The following MYCT1 variants were observed in gnomAD, a reference collection of about 807,000 sequenced individuals.
MYCT1 encodes the protein MYC target 1.
In MYCT1, 12 loss-of-function variants were observed where a neutral mutation model predicts 15.0. The observed-to-expected ratio is 0.80, with a 90% confidence interval of 0.51 to 1.29. The LOEUF (loss-of-function observed/expected upper bound fraction) is 1.29, where lower values mean the gene tolerates loss of function less well. Among genes scored for constraint, MYCT1 ranks in the 50% most tolerant of loss-of-function variants. MYCT1 has a pLI of 0.00. For missense variants in MYCT1, 287 were observed against 279.1 expected (o/e 1.03, Z -0.20); for synonymous variants, 104 against 102.7 (o/e 1.01, Z -0.07).
intron 1 of MYCT1, among the ~76,000 whole-genome samples, chr6:152,715,552 C>T (rs951754526): frequency 9.0e-6 from 1 of 110,864 alleles, no homozygotes; most frequent in Non-Finnish European, 1.9e-5. Flanking sequence ...AATGGTTATG[C>T]GTCTCATTCA....
downstream of MYCT1, chr6:152,724,609 G>T (rs1336962356): frequency 1.3e-5 from 2 of 152,090 alleles, no homozygotes; most frequent in African/African-American, 4.8e-5. Context: ...TGCCAACACT[G>T]TTCTAAAAAG....
At chr6:152,736,468 A>G in the MYCT1 span, among the ~76,000 whole-genome samples, 3 of 152,136 alleles carry the variant, frequency 2.0e-5, no homozygotes, top group African/African-American at 7.2e-5. Flanking sequence ...GGACTATTAG[A>G]GTATCTGGAG....
rs774567490 is a variant in MYCT1, at chr6:152,722,194, C to T, written c.649C>T (p.Leu217Phe). The T allele has an allele frequency of 9.9e-6, 16 of 1,614,036 alleles. No individual in the cohort carries two copies. Among genetic ancestry groups the T allele is most frequent in the Non-Finnish European group, 1.3e-5 (15 of 1,180,030 alleles). The change falls in exon 2 of 2, where the codon CTT becomes TTT. Residue 217 changes from leucine to phenylalanine, a missense_variant. Coordinates refer to ENST00000367245, the MANE Select transcript of MYCT1 (RefSeq NM_025107.3). ...GTCCAGTAACAGTCTTCGAGTGGGC[C>T]TTTCAACACCGCCCCCACCTGCCTA... ...YWSSNSLRVG[L>F]STPPPPAYES...
At chr6:152,736,779 G>C in the MYCT1 span, among the ~76,000 whole-genome samples, 1 of 152,028 alleles carries the variant, frequency 6.6e-6, no homozygotes, top group Non-Finnish European at 1.5e-5. Flanking sequence ...AAAAATTTCT[G>C]TATGACACAT....
chr6:152,737,106 A>AC, the MYCT1 span, among the ~76,000 whole-genome samples: 7,839 of 152,178 alleles, frequency 0.052, 274 homozygotes, highest in Non-Finnish European at 0.083. Context: ...TGAATAAGAC[A>AC]CTCATAGACT....
the MYCT1 span, among the ~76,000 whole-genome samples, chr6:152,732,545 T>A: frequency 0.016 from 2,379 of 152,274 alleles, 32 homozygotes; most frequent in Non-Finnish European, 0.024. Context: ...TATGTAAAAA[T>A]ATTTACATGG....
chr6:152,741,448 G>A, the MYCT1 span, among the ~76,000 whole-genome samples: 13 of 152,116 alleles, frequency 8.5e-5, no homozygotes, highest in South Asian at 6.2e-4. Flanking sequence ...TCTTATCAGC[G>A]CTCATTTGGG....
At chr6:152,731,806 G>A in the MYCT1 span, among the ~76,000 whole-genome samples, 11 of 149,624 alleles carry the variant, frequency 7.4e-5, 1 homozygote, top group East Asian at 5.9e-4. Context: ...GGAGTGCAGT[G>A]GCGCGATATC....
intron 1 of MYCT1, chr6:152,706,105 G>A (rs1181356646): frequency 3.9e-6 from 6 of 1,530,524 alleles, no homozygotes; most frequent in Non-Finnish European, 5.4e-6. Context: ...AATGGGAGGT[G>A]GTATGAGAGG....
chr6:152,717,450 C>T (rs535672010), intron 1 of MYCT1, among the ~76,000 whole-genome samples: 208 of 152,100 alleles, frequency 1.4e-3, no homozygotes, highest in Non-Finnish European at 2.4e-3. Flanking sequence ...TTTGAATTCC[C>T]ACATGTTGTG....
intron 1 of MYCT1, among the ~76,000 whole-genome samples, chr6:152,720,520 T>G (rs888395943): frequency 6.6e-6 from 1 of 152,244 alleles, no homozygotes; most frequent in Non-Finnish European, 1.5e-5. Context: ...TTAGATATGA[T>G]AGCTTACCTT....
At chr6:152,733,749 G>A in the MYCT1 span, among the ~76,000 whole-genome samples, 1 of 152,166 alleles carries the variant, frequency 6.6e-6, no homozygotes, top group Admixed American at 6.5e-5. Flanking sequence ...TGGCAAGAAG[G>A]ACTTGGGAAT....
At chr6:152,703,725 G>T (rs1453937369) in intron 1 of MYCT1, among the ~76,000 whole-genome samples, 1 of 151,960 alleles carries the variant, frequency 6.6e-6, no homozygotes, top group Non-Finnish European at 1.5e-5. Flanking sequence ...GTAACCCAAA[G>T]CCCAATCAAG....
the MYCT1 span, among the ~76,000 whole-genome samples, chr6:152,740,641 C>T: frequency 6.6e-6 from 1 of 152,210 alleles, no homozygotes; most frequent in African/African-American, 2.4e-5. Context: ...AAGTTACTCT[C>T]TTCCAAAAGA....
chr6:152,741,730 A>T, the MYCT1 span, among the ~76,000 whole-genome samples: 1 of 152,178 alleles, frequency 6.6e-6, no homozygotes, highest in African/African-American at 2.4e-5. Flanking sequence ...CTGGAAAAAC[A>T]TTTATGCATT....
chr6:152,724,181 A>AT lies in MYCT1; in HGVS notation c.*1931dup, dbSNP rs1204571838. On this transcript the variant is annotated 3_prime_UTR_variant, in exon 2 of 2. Transcript: ENST00000367245. ...TTATAAGTTGGTTTTCAACAAAGAAATTTAGCAGCCAAGTAAGGTTTCAAG... is the reference window on the plus strand; with the variant it reads ...TTATAAGTTGGTTTTCAACAAAGAAATTTTAGCAGCCAAGTAAGGTTTCAAG... The AT allele has an allele frequency of 5.3e-5, 8 of 152,076 alleles. No individual in the cohort carries two copies. Among genetic ancestry groups the AT allele is most frequent in the African/African-American group, 1.9e-4 (8 of 41,496 alleles). 9.4% of individuals were successfully genotyped at this position (152,076 alleles called of 1,614,324 possible).
chr6:152,729,633 G>A, the MYCT1 span, among the ~76,000 whole-genome samples: 91,943 of 152,016 alleles, frequency 0.6, 29,374 homozygotes, highest in East Asian at 0.79. Flanking sequence ...GAAATTGGCC[G>A]CAGTTAGAAA....
At chr6:152,714,305 CTTTTT>C (rs5880998) in intron 1 of MYCT1, among the ~76,000 whole-genome samples, 3 of 120,034 alleles carry the variant, frequency 2.5e-5, no homozygotes, top group African/African-American at 3.1e-5. Context: ...TTTTCTTTTT[CTTTTT>C]TTTTTTTTTT....
At chr6:152,714,006 T>A (rs1205503630) in intron 1 of MYCT1, among the ~76,000 whole-genome samples, 1 of 152,116 alleles carries the variant, frequency 6.6e-6, no homozygotes, top group Non-Finnish European at 1.5e-5. Context: ...GAATTTTTTT[T>A]TATATTGTTT....
Sources: allele counts gnomAD v4.1 joint callset (sites outside exome capture counted in the v4.1 genomes callset), GRCh38; gene constraint gnomAD v4.1.1; transcripts MANE v1.5; gene names NCBI Gene and HGNC (gene_info 2026-07-23, HGNC 2026-07-21).